Variants in NXPH1 observed in about 807,000 individuals in gnomAD.
NXPH1 encodes the protein neurexophilin-1.
Under a neutral mutation model 23.7 loss-of-function variants are expected in NXPH1, and 5 were observed. The observed-to-expected ratio is 0.21, with a 90% CI of 0.11 to 0.44. NXPH1 has a LOEUF of 0.44. NXPH1 is among the 20% of genes least tolerant of loss of function. NXPH1 has a pLI of 0.99. For missense variants in NXPH1, 324 were observed against 321.6 expected (o/e 1.01, Z -0.06); for synonymous variants, 144 against 122.2 (o/e 1.18, Z -1.18).
intron 2 of NXPH1, among the ~76,000 whole-genome samples, chr7:8,592,098 G>C (rs912022197): frequency 6.6e-6 from 1 of 151,944 alleles, no homozygotes; most frequent in African/African-American, 2.4e-5. Context: ...ATATATAACT[G>C]TAAGGGTACT....
At chr7:8,451,386 G>A (rs566313051) in intron 2 of NXPH1, among the ~76,000 whole-genome samples, 2 of 152,238 alleles carry the variant, frequency 1.3e-5, no homozygotes, top group East Asian at 1.9e-4. Context: ...AGCCGCTTCC[G>A]AAGCACAGAT....
intron 2 of NXPH1, among the ~76,000 whole-genome samples, chr7:8,464,631 A>G (rs1816749548): frequency 6.6e-6 from 1 of 152,200 alleles, no homozygotes; most frequent in African/African-American, 2.4e-5. Context: ...AGTTCTGTTA[A>G]GGCAACCTAG....
chr7:8,544,453 T>A (rs1237535688), intron 2 of NXPH1, among the ~76,000 whole-genome samples: 5 of 151,516 alleles, frequency 3.3e-5, no homozygotes, highest in Admixed American at 2.0e-4. Flanking sequence ...AAGACATAGA[T>A]CACAGATTCT....
chr7:8,446,184 G>A (rs897380146), intron 2 of NXPH1, among the ~76,000 whole-genome samples: 6 of 152,186 alleles, frequency 3.9e-5, no homozygotes, highest in Admixed American at 1.3e-4. Context: ...TGAAATATTT[G>A]ATTGTTTTGA....
At chr7:8,450,902 T>C (rs1816495034) in intron 2 of NXPH1, among the ~76,000 whole-genome samples, 1 of 151,854 alleles carries the variant, frequency 6.6e-6, no homozygotes, top group Non-Finnish European at 1.5e-5. Flanking sequence ...CCCAATATTT[T>C]AATGCCTAGT....
At chr7:8,746,777 C>G (rs1040202008) in intron 2 of NXPH1, among the ~76,000 whole-genome samples, 2 of 151,872 alleles carry the variant, frequency 1.3e-5, no homozygotes, top group African/African-American at 4.8e-5. Flanking sequence ...CAAAGCAGAT[C>G]TCTAGAATTT....
chr7:8,661,757 G>GGT (rs1820678304), intron 2 of NXPH1, among the ~76,000 whole-genome samples: 1 of 152,080 alleles, frequency 6.6e-6, no homozygotes, highest in Non-Finnish European at 1.5e-5. Context: ...CAAGTATAAA[G>GGT]GTAGTACTCA....
At chr7:8,579,473 A>G (rs960329679) in intron 2 of NXPH1, among the ~76,000 whole-genome samples, 3 of 151,960 alleles carry the variant, frequency 2.0e-5, no homozygotes, top group African/African-American at 7.3e-5. Context: ...CCCAGGTTCA[A>G]GCAATTCTCC....
At chr7:8,450,499 A>G (rs1816488718) in intron 2 of NXPH1, among the ~76,000 whole-genome samples, 1 of 152,276 alleles carries the variant, frequency 6.6e-6, no homozygotes, top group Non-Finnish European at 1.5e-5. Context: ...AATATTTTAT[A>G]GAATTATTCA....
chr7:8,551,282 A>C (rs1327960767), intron 2 of NXPH1, among the ~76,000 whole-genome samples: 1 of 151,532 alleles, frequency 6.6e-6, no homozygotes, highest in Admixed American at 6.6e-5. Flanking sequence ...TCTAAGATCT[A>C]ATACATTAAA....
chr7:8,656,136 T>A (rs1820578723), intron 2 of NXPH1, among the ~76,000 whole-genome samples: 1 of 152,224 alleles, frequency 6.6e-6, no homozygotes, highest in Non-Finnish European at 1.5e-5. Flanking sequence ...TATGTTTACA[T>A]CTTGGTTGCT....
At chr7:8,553,337 C>G (rs1377157224) in intron 2 of NXPH1, among the ~76,000 whole-genome samples, 2 of 115,030 alleles carry the variant, frequency 1.7e-5, no homozygotes, top group Non-Finnish European at 3.7e-5. Flanking sequence ...AGGTGGTGGG[C>G]ATTTTTTTTT....
chr7:8,539,360 G>T (rs1354703614), intron 2 of NXPH1, among the ~76,000 whole-genome samples: 1 of 151,850 alleles, frequency 6.6e-6, no homozygotes, highest in Non-Finnish European at 1.5e-5. Context: ...TTAGAGGTTT[G>T]TTGGATAGAG....
intron 2 of NXPH1, among the ~76,000 whole-genome samples, chr7:8,692,782 C>G (rs1237487570): frequency 1.3e-5 from 2 of 152,084 alleles, no homozygotes; most frequent in African/African-American, 4.8e-5. Flanking sequence ...ATGGTAACTT[C>G]TAAAGCCGAG....
intron 2 of NXPH1, among the ~76,000 whole-genome samples, chr7:8,452,906 A>G (rs1175764006): frequency 1.3e-5 from 2 of 152,136 alleles, no homozygotes; most frequent in Non-Finnish European, 2.9e-5. Context: ...AGAAGCATCA[A>G]TGCAGATTGC....
chr7:8,738,299 T>A (rs1583254842), intron 2 of NXPH1, among the ~76,000 whole-genome samples: 1 of 152,344 alleles, frequency 6.6e-6, no homozygotes, highest in East Asian at 1.9e-4. Flanking sequence ...GACCTTTGGA[T>A]GGGGTTTCTG....
intron 2 of NXPH1, among the ~76,000 whole-genome samples, chr7:8,503,281 C>A (rs1817467358): frequency 6.6e-6 from 1 of 151,928 alleles, no homozygotes; most frequent in African/African-American, 2.4e-5. Flanking sequence ...ACAACTTGCA[C>A]AAGGAAGGTC....
intron 2 of NXPH1, among the ~76,000 whole-genome samples, chr7:8,683,802 C>G (rs1211268735): frequency 1.3e-5 from 2 of 151,972 alleles, no homozygotes; most frequent in Admixed American, 6.6e-5. Flanking sequence ...AGACACTAGC[C>G]TGCTTAATAT....
intron 2 of NXPH1, among the ~76,000 whole-genome samples, chr7:8,568,373 G>A (rs969393198): frequency 6.6e-6 from 1 of 151,798 alleles, no homozygotes; most frequent in African/African-American, 2.4e-5. Context: ...AAAATCTCAT[G>A]CTTTCTGCAA....
Sources: gnomAD v4.1 joint callset for allele counts (sites outside exome capture counted in the v4.1 genomes callset) on GRCh38, gnomAD v4.1.1 for gene constraint, MANE v1.5 for transcripts, NCBI Gene and HGNC (gene_info 2026-07-23, HGNC 2026-07-21) for gene names.